The following PLXNA4 variants were observed in gnomAD, a reference collection of about 807,000 sequenced individuals.
The protein encoded by PLXNA4 is plexin A4.
A neutral mutation model predicts 191.8 loss-of-function variants in PLXNA4; 44 were observed. The observed-to-expected ratio is 0.23, with a 90% CI of 0.18 to 0.29. The LOEUF (loss-of-function observed/expected upper bound fraction) is 0.29. Ranked by LOEUF, PLXNA4 falls within the 10% of genes least tolerant of loss-of-function variation. The pLI is 1.00. For missense variants in PLXNA4, 1,800 were observed against 2,488.8 expected (o/e 0.72, Z 5.89); for synonymous variants, 1,082 against 1,009.5 (o/e 1.07, Z -1.36).
At chr7:132,178,607 A>G (rs1362464425) in intron 20 of PLXNA4, among the ~76,000 whole-genome samples, 1 of 152,220 alleles carries the variant, frequency 6.6e-6, no homozygotes, top group African/African-American at 2.4e-5. Flanking sequence ...CATAGGGACT[A>G]TAGAGTGAGA....
chr7:132,479,274 G>GAA (rs11310613), intron 3 of PLXNA4, among the ~76,000 whole-genome samples: 36 of 142,010 alleles, frequency 2.5e-4, no homozygotes, highest in Admixed American at 9.9e-4. Flanking sequence ...ATCTCTTTGG[G>GAA]AAAAAAAAAA....
At chr7:132,419,753 G>T (rs922800723) in intron 3 of PLXNA4, among the ~76,000 whole-genome samples, 3 of 152,166 alleles carry the variant, frequency 2.0e-5, no homozygotes, top group Admixed American at 6.5e-5. Flanking sequence ...AGCTTTGCAG[G>T]CCATATGGTC....
At chr7:132,366,643 G>A (rs902373662) in intron 3 of PLXNA4, among the ~76,000 whole-genome samples, 6 of 152,190 alleles carry the variant, frequency 3.9e-5, no homozygotes, top group African/African-American at 1.4e-4. Flanking sequence ...AATGACTGAT[G>A]TTGCAGAAAA....
At chr7:132,140,031 A>G (rs1398052720) in intron 30 of PLXNA4, among the ~76,000 whole-genome samples, 1 of 152,170 alleles carries the variant, frequency 6.6e-6, no homozygotes, top group African/African-American at 2.4e-5. Context: ...ACCTTCAGTC[A>G]CGAGAGCTCT....
At chr7:132,371,244 C>T (rs1342612437) in intron 3 of PLXNA4, among the ~76,000 whole-genome samples, 1 of 152,004 alleles carries the variant, frequency 6.6e-6, no homozygotes, top group East Asian at 1.9e-4. Flanking sequence ...ACAGAAGGCA[C>T]AGAGAAAAGA....
intron 2 of PLXNA4, among the ~76,000 whole-genome samples, chr7:132,645,214 T>A (rs1229493509): frequency 1.3e-5 from 2 of 152,192 alleles, no homozygotes; most frequent in African/African-American, 4.8e-5. Context: ...TGGCTCTGTG[T>A]CCCCACCCAA....
At chr7:132,350,141 C>A (rs967272501) in intron 3 of PLXNA4, among the ~76,000 whole-genome samples, 1 of 152,190 alleles carries the variant, frequency 6.6e-6, no homozygotes, top group African/African-American at 2.4e-5. Flanking sequence ...ATCATCACCA[C>A]AGCTGAGGTT....
intron 3 of PLXNA4, among the ~76,000 whole-genome samples, chr7:132,344,813 G>A (rs1563047923): frequency 6.6e-6 from 1 of 152,154 alleles, no homozygotes; most frequent in Non-Finnish European, 1.5e-5. Flanking sequence ...CCTCTCAGTG[G>A]AACTAGGGAA....
intron 3 of PLXNA4, among the ~76,000 whole-genome samples, chr7:132,397,272 C>T (rs1236867857): frequency 1.3e-5 from 2 of 152,234 alleles, no homozygotes; most frequent in Non-Finnish European, 2.9e-5. Flanking sequence ...TTGAATTATG[C>T]ATCAGCAGCT....
At chr7:132,535,553 T>C (rs1372464131) in intron 1 of PLXNA4, among the ~76,000 whole-genome samples, 1 of 152,124 alleles carries the variant, frequency 6.6e-6, no homozygotes, top group African/African-American at 2.4e-5. Flanking sequence ...AGGGGTCCCT[T>C]GGTATTCAGG....
rs1794756317 is a variant in PLXNA4 at position 132,125,886 on chromosome 7, G to A, written c.*4593C>T. 6.6e-6 allele frequency: 1 copy of A among 152,336 alleles called. No homozygotes were observed. Among genetic ancestry groups the A allele is most frequent in the African/African-American group, 2.4e-5 (1 of 41,426 alleles). The allele number at this position is 152,336 out of a possible 1,614,324, so 9.4% of individuals were successfully genotyped here. A position where few individuals can be genotyped will look rare whatever the true frequency, so the allele number is the denominator to read the frequency against. ...GCTGGGGCTGCTCACTGGGCTCACT[G>A]TTCCTGGAAGGAGCAGGGGAAGTTC... On this transcript the variant is annotated 3_prime_UTR_variant, in exon 32 of 32. Coordinates refer to ENST00000321063, the MANE Select transcript of PLXNA4 (RefSeq NM_020911.2).
intron 3 of PLXNA4, among the ~76,000 whole-genome samples, chr7:132,427,322 A>G (rs571105185): frequency 2.1e-4 from 32 of 152,346 alleles, no homozygotes; most frequent in Non-Finnish European, 2.6e-4. Context: ...CATGACCTTA[A>G]AAACAGCCAG....
chr7:132,270,515 A>C (rs1419081669), intron 4 of PLXNA4, among the ~76,000 whole-genome samples: 2 of 152,220 alleles, frequency 1.3e-5, no homozygotes, highest in East Asian at 3.8e-4. Flanking sequence ...TAGACTTGAC[A>C]ACCACTTAGG....
chr7:132,645,738 GAC>G (rs1476989004), intron 2 of PLXNA4, among the ~76,000 whole-genome samples: 6 of 152,188 alleles, frequency 3.9e-5, no homozygotes, highest in African/African-American at 1.2e-4. Context: ...CAGTCTCACA[GAC>G]ACAAGTTGGG....
chr7:132,146,777 C>T lies in PLXNA4; in HGVS notation c.4865-77G>A, dbSNP rs144757886. On this transcript the variant is annotated intron_variant, in intron 27 of 31. Coordinates refer to ENST00000321063, the MANE Select transcript of PLXNA4 (RefSeq NM_020911.2). ...CCCATCACTTACCATGCATCCCTTGCTCCGGCAGAAGCCAACGACTGTCTG... is the reference window on the plus strand; with the variant it reads ...CCCATCACTTACCATGCATCCCTTGTTCCGGCAGAAGCCAACGACTGTCTG... 10 of 1,572,698 alleles carry T rather than the reference C, an allele frequency of 6.4e-6. No individual in the cohort carries two copies. In the African/African-American group the frequency reaches 9.4e-5, roughly 15 times the overall value.
chr7:132,232,412 G>A (rs374903593), intron 5 of PLXNA4, among the ~76,000 whole-genome samples: 40 of 152,106 alleles, frequency 2.6e-4, no homozygotes, highest in African/African-American at 7.5e-4. Flanking sequence ...TGTCACCCCC[G>A]CCCCAAATGC....
chr7:132,510,559 G>A (rs897231178), intron 1 of PLXNA4, among the ~76,000 whole-genome samples: 33 of 152,302 alleles, frequency 2.2e-4, no homozygotes, highest in African/African-American at 6.5e-4. Flanking sequence ...AAATCAGGCC[G>A]ATACCACCAG....
At chr7:132,352,790 G>C (rs531626649) in intron 3 of PLXNA4, among the ~76,000 whole-genome samples, 2 of 152,150 alleles carry the variant, frequency 1.3e-5, no homozygotes, top group Admixed American at 1.3e-4. Flanking sequence ...CTAAAGTGGT[G>C]AGTAGGAGGC....
In PLXNA4 at chr7:132,455,577, G is replaced by A. The variant is rs560414518; in HGVS notation, c.1371+33715C>T. Among the ~76,000 whole-genome samples, 46 of 152,278 alleles carry A rather than the reference G, an allele frequency of 3.0e-4. No individual in the cohort carries two copies. In the South Asian group the frequency reaches 6.2e-3, roughly 21 times the overall value. ...ACAAGCACAGTCTTCCTGTCTGTTG[G>A]GAGCCCGCGCAGTATGTTTGCTGAG... On this transcript the variant is annotated intron_variant, in intron 3 of 31. Transcript: ENST00000321063.
Sources: allele counts gnomAD v4.1 joint callset (sites outside exome capture counted in the v4.1 genomes callset), GRCh38; gene constraint gnomAD v4.1.1; transcripts MANE v1.5; gene names NCBI Gene and HGNC (gene_info 2026-07-23, HGNC 2026-07-21).